The following LMX1B variants were observed in gnomAD, a reference collection of about 807,000 sequenced individuals.
LMX1B encodes the protein LIM homeobox transcription factor 1-beta.
In LMX1B, 12 loss-of-function variants were observed where a neutral mutation model predicts 51.4. That is an observed-to-expected ratio of 0.23 (90% CI 0.15 to 0.38). The LOEUF (loss-of-function observed/expected upper bound fraction) is 0.38, where lower values mean the gene tolerates loss of function less well. Ranked by LOEUF, LMX1B falls within the 10% of genes least tolerant of loss-of-function variation. The pLI, the probability that LMX1B is intolerant of heterozygous loss-of-function variation, is 1.00. For missense variants in LMX1B, 445 were observed against 571.1 expected, an observed-to-expected ratio of 0.78 and a Z score of 2.25; for synonymous variants, 237 against 235.4, an observed-to-expected ratio of 1.01 and a Z score of -0.06.
chr9:126,647,778 G>A (rs936926770), intron 2 of LMX1B, among the ~76,000 whole-genome samples: 8 of 152,236 alleles, frequency 5.3e-5, no homozygotes, highest in Admixed American at 2.6e-4. Context: ...GGATGTTAGC[G>A]CAACACCAGG....
intron 2 of LMX1B, among the ~76,000 whole-genome samples, chr9:126,665,408 C>T (rs187971955): frequency 6.6e-6 from 1 of 152,352 alleles, no homozygotes; most frequent in Non-Finnish European, 1.5e-5. Context: ...GTCTCGGTTT[C>T]CTTAAAATGA....
chr9:126,619,210 C>T (rs1185974673), intron 2 of LMX1B, among the ~76,000 whole-genome samples: 6 of 152,226 alleles, frequency 3.9e-5, no homozygotes, highest in Non-Finnish European at 5.9e-5. Context: ...GTGGCCCAAC[C>T]GCTCTGCCCT....
rs1008280607 is a variant in LMX1B, at chr9:126,626,494, G to C, written c.326+10925G>C. Among the ~76,000 whole-genome samples, 1 of 152,160 alleles carries C rather than the reference G, an allele frequency of 6.6e-6. No homozygotes were observed. The highest frequency in any genetic ancestry group is 2.4e-5 in the African/African-American group (1 of 41,452). On this transcript the variant is annotated intron_variant, in intron 2 of 7. Coordinates refer to ENST00000373474, the MANE Select transcript of LMX1B (RefSeq NM_001174147.2). This position sits in a 1 kb window ranked among gnomAD's most constrained non-coding sequence, Gnocchi z 4.3. The stretch of plus-strand genomic sequence containing the variant: ...TATGGGACGGGCAGGCGAGAGCGGG[G>C]AAGGGGACCGATGGAGCCAGAAGCC...
In LMX1B at chr9:126,695,071, G is replaced by A. The variant is rs975393632; in HGVS notation, c.887-768G>A. ...ATCCACTGAGGTGCCAAGTTGGGGA[G>A]TGAAGTCTTCTCATGTCTCTCGCAC... On this transcript the variant is annotated intron_variant, in intron 6 of 7. Coordinates refer to ENST00000373474, the MANE Select transcript of LMX1B (RefSeq NM_001174147.2). The surrounding 1 kb of genome is among the most constrained non-coding windows in gnomAD (Gnocchi z 5.2). Among the ~76,000 whole-genome samples, 2 of 152,138 alleles carry A rather than the reference G, an allele frequency of 1.3e-5. No homozygotes were observed. Among genetic ancestry groups the A allele is most frequent in the African/African-American group, 4.8e-5 (2 of 41,428 alleles).
In LMX1B at chr9:126,696,777, C is replaced by A. The variant is rs1026870663; in HGVS notation, c.*326C>A. The A allele has an allele frequency of 1.1e-5, 5 of 439,632 alleles. No individual in the cohort carries two copies. The highest frequency in any genetic ancestry group is 2.1e-5 in the Non-Finnish European group (5 of 239,118). The allele number at this position is 439,632 out of a possible 1,614,324, so 27.2% of individuals were successfully genotyped here. On this transcript the variant is annotated 3_prime_UTR_variant, in exon 8 of 8. Coordinates refer to ENST00000373474, the MANE Select transcript of LMX1B (RefSeq NM_001174147.2). The stretch of plus-strand genomic sequence containing the variant: ...ATCTCTTTTTTGGGAAGCTTAAATT[C>A]TCTCTATTTTTTTAAATGTCCTCTC...
At chr9:126,692,854 G>A (rs902753608) in intron 3 of LMX1B, among the ~76,000 whole-genome samples, 9 of 152,244 alleles carry the variant, frequency 5.9e-5, no homozygotes, top group Non-Finnish European at 1.2e-4. Flanking sequence ...AGGCGCACCT[G>A]TGTGAGTTCC....
At chr9:126,676,981 A>G (rs1052821368) in intron 2 of LMX1B, among the ~76,000 whole-genome samples, 1 of 152,228 alleles carries the variant, frequency 6.6e-6, no homozygotes, top group Non-Finnish European at 1.5e-5. Context: ...TTTAAAGGCC[A>G]TTACTATGCT....
chr9:126,642,485 T>G (rs1206743859), intron 2 of LMX1B, among the ~76,000 whole-genome samples: 1 of 152,196 alleles, frequency 6.6e-6, no homozygotes, highest in East Asian at 1.9e-4. Context: ...GCTTTTTTCC[T>G]TCTCTTCACC....
At chr9:126,675,422 T>C (rs1836535741) in intron 2 of LMX1B, among the ~76,000 whole-genome samples, 1 of 152,244 alleles carries the variant, frequency 6.6e-6, no homozygotes, top group Non-Finnish European at 1.5e-5. Flanking sequence ...ACAAATTCAA[T>C]AATTTTTAAG....
intron 2 of LMX1B, among the ~76,000 whole-genome samples, chr9:126,678,308 T>TCAAAAAAAAAAAACAAAAAA (rs1439340888): frequency 9.5e-6 from 1 of 105,806 alleles, no homozygotes; most frequent in Middle Eastern, 5.2e-3. Context: ...AGACTTCGTC[T>TCAAAAAAAAAAAACAAAAAA]CAAAAAAAAA....
At chr9:126,650,604 A>C (rs1026568486) in intron 2 of LMX1B, among the ~76,000 whole-genome samples, 1 of 152,220 alleles carries the variant, frequency 6.6e-6, no homozygotes, top group African/African-American at 2.4e-5. Context: ...GCAGCGGGAA[A>C]GCCCCAGGCA....
intron 3 of LMX1B, among the ~76,000 whole-genome samples, chr9:126,692,472 G>A (rs563126040): frequency 5.2e-4 from 79 of 152,350 alleles, no homozygotes; most frequent in African/African-American, 1.8e-3. Flanking sequence ...CTGGGAGAAT[G>A]CACATGCTTC....
chr9:126,617,937 T>G (rs1015509281), intron 2 of LMX1B, among the ~76,000 whole-genome samples: 5 of 145,696 alleles, frequency 3.4e-5, no homozygotes, highest in East Asian at 4.5e-4. Context: ...GGGTGATTGT[T>G]ATCAGGACAA....
At chr9:126,675,314 A>G (rs1244212436) in intron 2 of LMX1B, among the ~76,000 whole-genome samples, 1 of 152,208 alleles carries the variant, frequency 6.6e-6, no homozygotes, top group Non-Finnish European at 1.5e-5. Context: ...TGGGGAGGGG[A>G]CCGATGGCTA....
chr9:126,652,581 G>A (rs777396384), intron 2 of LMX1B, among the ~76,000 whole-genome samples: 3 of 152,218 alleles, frequency 2.0e-5, no homozygotes, highest in Non-Finnish European at 4.4e-5. Flanking sequence ...ACATCTCCAG[G>A]CCAGTTTGTG....
intron 3 of LMX1B, among the ~76,000 whole-genome samples, chr9:126,692,882 C>T (rs936878390): frequency 2.6e-5 from 4 of 152,200 alleles, no homozygotes; most frequent in African/African-American, 9.7e-5. Flanking sequence ...GTGTGCCCTG[C>T]GGCCCAGGAT....
intron 2 of LMX1B, among the ~76,000 whole-genome samples, chr9:126,624,179 G>A (rs539518180): frequency 6.6e-6 from 1 of 152,328 alleles, no homozygotes; most frequent in East Asian, 1.9e-4. Flanking sequence ...GGAGTCCAGG[G>A]CCCTGCAGCA....
At chr9:126,693,487 C>T (rs1189637760) in intron 4 of LMX1B, 37 bp from the exon 5 acceptor site, 7 of 1,608,884 alleles carry the variant, frequency 4.4e-6, no homozygotes, top group Non-Finnish European at 6.0e-6. Context: ...GTTGCTGCCC[C>T]TGGAGGGCCT....
At chr9:126,649,082 C>G (rs1027825413) in intron 2 of LMX1B, among the ~76,000 whole-genome samples, 1 of 152,084 alleles carries the variant, frequency 6.6e-6, no homozygotes, top group African/African-American at 2.4e-5. Flanking sequence ...CTGTATCTTC[C>G]TTGTTGCTCC....
Sources: gnomAD v4.1 joint callset for allele counts (sites outside exome capture counted in the v4.1 genomes callset) on GRCh38, gnomAD v4.1.1 for gene constraint, Gnocchi (gnomAD v3.1) non-coding constraint, MANE v1.5 for transcripts, NCBI Gene and HGNC (gene_info 2026-07-23, HGNC 2026-07-21) for gene names.